ZNF33B: variants seen among roughly 807,000 people sequenced by gnomAD.
ZNF33B encodes the protein zinc finger protein 11b (KOX 2).
ZNF33B carries 29 observed loss-of-function variants against 45.8 expected under a neutral mutation model. That is an observed-to-expected ratio of 0.63 (90% CI 0.47 to 0.86). ZNF33B has a LOEUF of 0.86. Ranked by LOEUF, ZNF33B falls within the 40% of genes least tolerant of loss-of-function variation. The pLI, the probability that ZNF33B is intolerant of heterozygous loss-of-function variation, is 0.00. For missense variants in ZNF33B, 831 were observed against 909.9 expected (o/e 0.91, Z 1.12); for synonymous variants, 305 against 307.8 (o/e 0.99, Z 0.10).
chr10:42,578,351 T>G (rs189357699), intron 1 of ZNF33B: 6 of 152,578 alleles, frequency 3.9e-5, no homozygotes, highest in Non-Finnish European at 8.8e-5. Context: ...ATCTGGACAG[T>G]GGCATACACC....
intron 1 of ZNF33B, among the ~76,000 whole-genome samples, chr10:42,580,597 T>G (rs1227488889): frequency 1.3e-5 from 2 of 152,048 alleles, no homozygotes; most frequent in Non-Finnish European, 2.9e-5. Context: ...TGATCCCATT[T>G]TGGAATATTT....
chr10:42,636,950 C>CTT lies in ZNF33B; in HGVS notation c.-23_-22insAA, dbSNP rs1315989580. ...TCATTTTGTTCTGTTCTTGGAAAGA[C>CTT]GGAGACAACTCTGAAGATACAGCTG... On this transcript the variant is annotated 5_prime_UTR_variant, in exon 2 of 5. Coordinates refer to ENST00000359467, the MANE Select transcript of ZNF33B (RefSeq NM_006955.3). 3.1e-6 allele frequency: 5 copies of CTT among 1,613,942 alleles called. No homozygotes were observed. The African/African-American group carries it at 5.3e-5, about 17-fold the overall frequency.
At chr10:42,620,576 T>C (rs953265971) in intron 4 of ZNF33B, among the ~76,000 whole-genome samples, 6 of 151,946 alleles carry the variant, frequency 3.9e-5, no homozygotes, top group African/African-American at 1.2e-4. Flanking sequence ...TATTTTTTTT[T>C]TTTTAATTTT....
At chr10:42,621,430 C>A (rs1345888388) in intron 4 of ZNF33B, among the ~76,000 whole-genome samples, 16 of 151,334 alleles carry the variant, frequency 1.1e-4, no homozygotes, top group Non-Finnish European at 2.2e-4. Flanking sequence ...ACACAAATAC[C>A]AGTAAAATAT....
At chr10:42,600,200 T>C (rs1437210754) in intron 4 of ZNF33B, among the ~76,000 whole-genome samples, 1 of 152,108 alleles carries the variant, frequency 6.6e-6, no homozygotes, top group Non-Finnish European at 1.5e-5. Flanking sequence ...CAGAAGAATA[T>C]TTTATAAATG....
Position 42,591,551 on chromosome 10 carries a change from C to G in ZNF33B, c.*1062G>C. On this transcript the variant is annotated 3_prime_UTR_variant, in exon 5 of 5. Coordinates refer to ENST00000359467, the MANE Select transcript of ZNF33B (RefSeq NM_006955.3). ...CCTGGGATGGGCCTGATGAAGTAACCACTACTAAATTAGGATACCTACTTC... is the reference window on the plus strand; with the variant it reads ...CCTGGGATGGGCCTGATGAAGTAACGACTACTAAATTAGGATACCTACTTC... 2.2e-6 allele frequency: 1 copy of G among 454,364 alleles called. No individual in the cohort carries two copies. The highest frequency in any genetic ancestry group is 2.9e-6 in the Non-Finnish European group (1 of 344,654). 28.1% of individuals were successfully genotyped at this position (454,364 alleles called of 1,614,324 possible).
At chr10:42,600,812 CCCA>C (rs1438387866) in intron 4 of ZNF33B, among the ~76,000 whole-genome samples, 2 of 151,902 alleles carry the variant, frequency 1.3e-5, no homozygotes, top group East Asian at 3.9e-4. Flanking sequence ...TGTTATAAAC[CCCA>C]CAATACATTT....
chr10:42,602,165 G>C (rs1305859059), intron 4 of ZNF33B, among the ~76,000 whole-genome samples: 1 of 151,998 alleles, frequency 6.6e-6, no homozygotes, highest in Non-Finnish European at 1.5e-5. Context: ...GAGCTCAGGA[G>C]ATCCACCTGC....
In ZNF33B at chr10:42,635,861, T is replaced by C. The variant is rs546558337; in HGVS notation, c.9+1059A>G. The stretch of plus-strand genomic sequence containing the variant: ...ACTTTAATTTATTGGCCGGGCACAG[T>C]GGCTCACGCCTGTAATCCCAGCACT... On this transcript the variant is annotated intron_variant, in intron 2 of 4. Coordinates refer to ENST00000359467, the MANE Select transcript of ZNF33B (RefSeq NM_006955.3). Among the ~76,000 whole-genome samples, 14 of 142,894 alleles carry C rather than the reference T, an allele frequency of 9.8e-5. No individual in the cohort carries two copies. The East Asian group carries it at 1.3e-3, about 13-fold the overall frequency. 93.7% of individuals were successfully genotyped at this position (142,894 alleles called of 152,430 possible).
chr10:42,606,696 C>T (rs1002420926), intron 4 of ZNF33B, among the ~76,000 whole-genome samples: 1 of 148,868 alleles, frequency 6.7e-6, no homozygotes, highest in Non-Finnish European at 1.5e-5. Context: ...GGGTTGGGGG[C>T]AAGGGGAAGA....
Position 42,593,371 on chromosome 10 carries a change from A to G in ZNF33B, c.1579T>C (p.Cys527Arg), listed in dbSNP as rs1837235788. 2 of 1,613,798 alleles carry G rather than the reference A, an allele frequency of 1.2e-6. No individual in the cohort carries two copies. Among genetic ancestry groups the G allele is most frequent in the African/African-American group, 2.7e-5 (2 of 74,848 alleles). ...CAGAAGGTTTTCCCACATTCATAAC[A>G]TTCATAAGGTTTCAACCCTGTATGA... The part of the protein sequence containing the change: ...IIHTGLKPYE[C>R]YECGKTFCLK... The change falls in exon 5 of 5, where the codon TGT becomes CGT. Residue 527 changes from cysteine (C) to arginine (R), a missense_variant. Cys to Arg is a radical substitution (Grantham distance 180, BLOSUM62 -3). Coordinates refer to ENST00000359467, the MANE Select transcript of ZNF33B (RefSeq NM_006955.3).
intron 4 of ZNF33B, among the ~76,000 whole-genome samples, chr10:42,605,740 G>A (rs1837814317): frequency 6.6e-6 from 1 of 152,094 alleles, no homozygotes; most frequent in South Asian, 2.1e-4. Context: ...AAGCAAATAT[G>A]TATAAGTCAA....
intron 4 of ZNF33B, among the ~76,000 whole-genome samples, chr10:42,599,519 A>G (rs545035591): frequency 1.3e-5 from 2 of 151,078 alleles, no homozygotes; most frequent in South Asian, 4.2e-4. Flanking sequence ...AATTCCCTCT[A>G]TGTGAAATTT....
At chr10:42,577,941 CATTAGGCAGTG>C (rs1269819357) in intron 1 of ZNF33B, among the ~76,000 whole-genome samples, 2 of 152,166 alleles carry the variant, frequency 1.3e-5, no homozygotes, top group Non-Finnish European at 2.9e-5. Context: ...CTCACTGTGT[CATTAGGCAGTG>C]AGTGGGCAGG....
chr10:42,592,880 CT>C lies in ZNF33B; in HGVS notation c.2069del (p.Glu690GlyfsTer83), dbSNP rs769964584. 1.2e-6 allele frequency: 2 copies of C among 1,614,010 alleles called. No homozygotes were observed. The highest frequency in any genetic ancestry group is 2.7e-5 in the African/African-American group (2 of 74,910). The stretch of plus-strand genomic sequence containing the variant: ...CACATTCATTGCATTCATAGGGTTT[CT>C]CCCCCGTGTGCTTTCTCTCATGTAA... ...LILHERKHTG[E>X]KPYECNECGK... On this transcript the variant is annotated frameshift_variant, in exon 5 of 5. Transcript: ENST00000359467. LOFTEE classifies it high-confidence loss of function.
At chr10:42,615,950 C>T (rs1440243318) in intron 4 of ZNF33B, among the ~76,000 whole-genome samples, 1 of 150,752 alleles carries the variant, frequency 6.6e-6, no homozygotes, top group African/African-American at 2.4e-5. Context: ...CGGCTGGGTG[C>T]GGTGGCTTAC....
rs1297158987 is a variant in ZNF33B, at chr10:42,593,750, G to A, written c.1200C>T (p.Leu400=). 10 of 1,613,598 alleles carry A rather than the reference G, an allele frequency of 6.2e-6. No homozygotes were observed. Among genetic ancestry groups the A allele is most frequent in the Non-Finnish European group, 8.5e-6 (10 of 1,179,872 alleles). ...CGKAFSHKSA[L]TLHQRTHTGE... Reference sequence around the variant, plus strand: ...CTGTATGTGTTCTCTGGTGTAATGTGAGGGCTGACTTATGGCTAAAGGCTT... The same window carrying A: ...CTGTATGTGTTCTCTGGTGTAATGTAAGGGCTGACTTATGGCTAAAGGCTT... Residue 400 remains leucine, a synonymous_variant, in exon 5 of 5, where the codon CTC becomes CTT. Coordinates refer to ENST00000359467, the MANE Select transcript of ZNF33B (RefSeq NM_006955.3).
chr10:42,617,564 C>T (rs1838380249), intron 4 of ZNF33B, among the ~76,000 whole-genome samples: 1 of 152,154 alleles, frequency 6.6e-6, no homozygotes, highest in African/African-American at 2.4e-5. Flanking sequence ...TCAGATTTCA[C>T]AAGTTTCACA....
At chr10:42,614,628 A>G (rs190966940) in intron 4 of ZNF33B, among the ~76,000 whole-genome samples, 3 of 152,300 alleles carry the variant, frequency 2.0e-5, no homozygotes, top group African/African-American at 4.8e-5. Context: ...TAGACAAAGG[A>G]GATACATAAA....
Sources: allele counts gnomAD v4.1 joint callset (sites outside exome capture counted in the v4.1 genomes callset), GRCh38; gene constraint gnomAD v4.1.1; transcripts MANE v1.5; gene names NCBI Gene and HGNC (gene_info 2026-07-23, HGNC 2026-07-21).